Variants in FARP2 observed in about 807,000 individuals in gnomAD.
FARP2 encodes FERM, ARH/RhoGEF and pleckstrin domain protein 2.
Under a neutral mutation model 130.5 loss-of-function variants are expected in FARP2, and 111 were observed. The observed-to-expected ratio is 0.85, with a 90% confidence interval of 0.73 to 1.00. FARP2 has a LOEUF of 1.00. FARP2 is among the 50% of genes least tolerant of loss of function. The pLI is 0.00. For missense variants in FARP2, 1,385 were observed against 1,346.3 expected (o/e 1.03, Z -0.45); for synonymous variants, 504 against 516.9 (o/e 0.98, Z 0.34).
chr2:241,378,319 C>T (rs1356704858), intron 2 of FARP2, among the ~76,000 whole-genome samples: 1 of 150,804 alleles, frequency 6.6e-6, no homozygotes, highest in Non-Finnish European at 1.5e-5. Flanking sequence ...TCATGTTGGC[C>T]AGGCTGGTTT....
At chr2:241,408,614 AT>A (rs998952940) in intron 5 of FARP2, among the ~76,000 whole-genome samples, 2 of 151,966 alleles carry the variant, frequency 1.3e-5, no homozygotes, top group Non-Finnish European at 2.9e-5. Context: ...TTTTCTTTGT[AT>A]TTTTTGTATT....
At chr2:241,422,260 C>CAAAAAAAAAAAAAAAAAAAA (rs1198628886) in intron 8 of FARP2, among the ~76,000 whole-genome samples, 2 of 91,978 alleles carry the variant, frequency 2.2e-5, no homozygotes, top group Non-Finnish European at 4.4e-5. Context: ...ACTAAAAATA[C>CAAAAAAAAAAAAAAAAAAAA]AAAAAAAAAA....
intron 19 of FARP2, among the ~76,000 whole-genome samples, chr2:241,481,658 A>G (rs2064618837): frequency 6.6e-6 from 1 of 152,200 alleles, no homozygotes; most frequent in Admixed American, 6.5e-5. Context: ...CTCATGTTAC[A>G]TAGTGTTATT....
chr2:241,388,223 G>A (rs2061833439), intron 2 of FARP2, among the ~76,000 whole-genome samples: 1 of 152,168 alleles, frequency 6.6e-6, no homozygotes, highest in African/African-American at 2.4e-5. Flanking sequence ...TATGGCATAA[G>A]GATAGACTTA....
intron 12 of FARP2, among the ~76,000 whole-genome samples, chr2:241,440,251 G>A (rs1422772865): frequency 6.6e-6 from 1 of 152,172 alleles, no homozygotes; most frequent in African/African-American, 2.4e-5. Context: ...TTATATTTTG[G>A]TCTGACCACA....
intron 5 of FARP2, 181 bp from the exon 6 acceptor site, chr2:241,410,852 T>A: frequency 1.8e-6 from 1 of 570,266 alleles, no homozygotes; most frequent in South Asian, 2.0e-5. Flanking sequence ...ACTTGGTGAC[T>A]GTTTGTTTCA....
chr2:241,491,068 C>G lies in FARP2; in HGVS notation c.2512C>G (p.Leu838Val). 1 of 1,612,802 alleles carries G rather than the reference C, an allele frequency of 6.2e-7. No individual in the cohort carries two copies. The highest frequency in any genetic ancestry group is 8.5e-7 in the Non-Finnish European group (1 of 1,179,236). Reference sequence around the variant, plus strand: ...TTGCCCTTCTCCCTGCAGCACTCGGCTGGAGAAAGAGAAGTGGATGCTGGA... The same window carrying G: ...TTGCCCTTCTCCCTGCAGCACTCGGGTGGAGAAAGAGAAGTGGATGCTGGA... ...KTIVVAASTR[L>V]EKEKWMLDLN... The change falls in exon 23 of 27, where the codon CTG becomes GTG. Residue 838 changes from leucine to valine, a missense_variant. Transcript: ENST00000264042.
chr2:241,421,920 G>T (rs1160166130), intron 8 of FARP2, among the ~76,000 whole-genome samples: 1 of 152,154 alleles, frequency 6.6e-6, no homozygotes, highest in Non-Finnish European at 1.5e-5. Context: ...GAGGTGGGCA[G>T]ATCACTTGAG....
In FARP2 at chr2:241,456,733, C is replaced by G; in HGVS notation, c.1412-14C>G. The stretch of plus-strand genomic sequence containing the variant: ...CTCATTTCTCGCTCCATCCCCCTCC[C>G]CGTTCATTTCCAGGCCTTTCCACGA... On this transcript the variant is annotated splice_polypyrimidine_tract_variant and intron_variant, in intron 13 of 26. Coordinates refer to ENST00000264042, the MANE Select transcript of FARP2 (RefSeq NM_014808.4). 1.2e-6 allele frequency: 2 copies of G among 1,614,052 alleles called. No individual in the cohort carries two copies. Among genetic ancestry groups the G allele is most frequent in the Admixed American group, 1.7e-5 (1 of 60,026 alleles).
intron 2 of FARP2, among the ~76,000 whole-genome samples, chr2:241,383,633 G>A (rs1032940212): frequency 4.6e-5 from 7 of 152,112 alleles, no homozygotes; most frequent in South Asian, 4.1e-4. Context: ...TGACATTTGC[G>A]GTGACCCAGG....
At chr2:241,442,647 A>AT (rs1011765558) in intron 13 of FARP2, 18 of 333,788 alleles carry the variant, frequency 5.4e-5, no homozygotes, top group East Asian at 1.6e-4. Flanking sequence ...TAGATATTCA[A>AT]TTTTTTTTTA....
In FARP2 at chr2:241,468,007, C is replaced by T. The variant is rs971575315; in HGVS notation, c.1894-133C>T. 17 of 722,548 alleles carry T rather than the reference C, an allele frequency of 2.4e-5. No individual in the cohort carries two copies. In the Admixed American group the frequency reaches 2.4e-4, roughly 10 times the overall value. The allele number at this position is 722,548 out of a possible 1,614,324, so 44.8% of individuals were successfully genotyped here. ...GTGGAGGCTAGAAAGCCCCCGCTGG[C>T]GCACGCTGGGCCACTGGTCCATTTG... On this transcript the variant is annotated intron_variant, in intron 17 of 26. Coordinates refer to ENST00000264042, the MANE Select transcript of FARP2 (RefSeq NM_014808.4).
At chr2:241,378,619 C>G (rs1272042113) in intron 2 of FARP2, among the ~76,000 whole-genome samples, 1 of 151,678 alleles carries the variant, frequency 6.6e-6, no homozygotes, top group Non-Finnish European at 1.5e-5. Context: ...CCCACATTAC[C>G]CATTTGTCTC....
At position 241,419,662 on chromosome 2, in the gene FARP2, A is replaced by G. The variant is rs115983256; in HGVS notation, c.771+1553A>G. ...GACTTTGCAGAGTAGGGAAGGCTGG[A>G]ATCTCACAGCCTTCAGCGGCAAAGT... On this transcript the variant is annotated intron_variant, in intron 8 of 26. Transcript: ENST00000264042. 5.4e-3 allele frequency among the ~76,000 whole-genome samples: 826 copies of G among 152,340 alleles called. 16 individuals are homozygous for G. The highest frequency in any genetic ancestry group is 0.019 in the African/African-American group (773 of 41,580).
Position 241,393,357 on chromosome 2 carries a change from G to A in FARP2, c.184-10471G>A, listed in dbSNP as rs150355036. ...TTAGTGCAATTTGGAGTAGAAGTTT[G>A]GTGTACAGTATTTTAGGAATATGTG... On this transcript the variant is annotated intron_variant, in intron 2 of 26. Coordinates refer to ENST00000264042, the MANE Select transcript of FARP2 (RefSeq NM_014808.4). Among the ~76,000 whole-genome samples, 15 of 152,152 alleles carry A rather than the reference G, an allele frequency of 9.9e-5. No homozygotes were observed. The East Asian group carries it at 2.5e-3, about 25-fold the overall frequency.
Position 241,463,488 on chromosome 2 carries a change from C to A in FARP2, c.1811+20C>A. 1 of 1,609,400 alleles carries A rather than the reference C, an allele frequency of 6.2e-7. No homozygotes were observed. Among genetic ancestry groups the A allele is most frequent in the Non-Finnish European group, 8.5e-7 (1 of 1,177,786 alleles). On this transcript the variant is annotated intron_variant, in intron 16 of 26. Transcript: ENST00000264042. ...ACTCTGGTAACACCCCTTCAGCCCC[C>A]ACACGGGAGACTCCCACACCAACTC...
chr2:241,362,537 G>A (rs2061212612), intron 1 of FARP2, among the ~76,000 whole-genome samples: 1 of 152,162 alleles, frequency 6.6e-6, no homozygotes, highest in African/African-American at 2.4e-5. Flanking sequence ...AGGAGGCGGA[G>A]CTTGCAGTGA....
chr2:241,449,151 T>C (rs914680729), intron 13 of FARP2, among the ~76,000 whole-genome samples: 2 of 152,204 alleles, frequency 1.3e-5, no homozygotes, highest in Admixed American at 6.5e-5. Flanking sequence ...CACATTTTCC[T>C]TTTCTTCTGG....
intron 8 of FARP2, among the ~76,000 whole-genome samples, chr2:241,424,660 T>C (rs908250347): frequency 1.3e-5 from 2 of 151,870 alleles, no homozygotes; most frequent in Non-Finnish European, 2.9e-5. Context: ...AAAAATCAAA[T>C]CCAGGAGCTG....
Sources: gnomAD v4.1 joint callset for allele counts (sites outside exome capture counted in the v4.1 genomes callset) on GRCh38, gnomAD v4.1.1 for gene constraint, MANE v1.5 for transcripts, NCBI Gene and HGNC (gene_info 2026-07-23, HGNC 2026-07-21) for gene names.